The following PCSK6 variants were observed in gnomAD, a reference collection of about 807,000 sequenced individuals.
The protein encoded by PCSK6 is paired basic amino acid cleaving enzyme 4.
PCSK6 carries 85 observed loss-of-function variants against 123.3 expected under a neutral mutation model. That is an observed-to-expected ratio of 0.69 (90% CI 0.58 to 0.83). The LOEUF (loss-of-function observed/expected upper bound fraction) is 0.83, where lower values mean the gene tolerates loss of function less well. Ranked by LOEUF, PCSK6 falls within the 40% of genes least tolerant of loss-of-function variation. The pLI is 0.00. For synonymous variants in PCSK6, 508 were observed against 516.0 expected, an observed-to-expected ratio of 0.98 and a Z score of 0.21; for missense variants, 1,191 against 1,282.3, an observed-to-expected ratio of 0.93 and a Z score of 1.09.
At chr15:101,462,548 T>A (rs1397160736) in intron 1 of PCSK6, among the ~76,000 whole-genome samples, 1 of 152,148 alleles carries the variant, frequency 6.6e-6, no homozygotes, top group Non-Finnish European at 1.5e-5. Flanking sequence ...CTGAAGTCTG[T>A]GAGGCACTGG....
At chr15:101,480,843 C>T (rs7166898) in intron 1 of PCSK6, among the ~76,000 whole-genome samples, 20,286 of 152,136 alleles carry the variant, frequency 0.13, 1,595 homozygotes, top group East Asian at 0.35. Flanking sequence ...CAGGGCCTAT[C>T]GAGTGACTCC....
chr15:101,370,332 T>C lies in PCSK6; in HGVS notation c.1721+3A>G, dbSNP rs1256039794. On this transcript the variant is annotated splice_donor_region_variant and intron_variant, in intron 12 of 21. Coordinates refer to ENST00000611716, the MANE Select transcript of PCSK6 (RefSeq NM_002570.5). ...CCCCATCCCCACGCCTGCCTCGCCT[T>C]ACCTCTTTGCCAGAAGTTGAGACTT... 3 of 1,531,696 alleles carry C rather than the reference T, an allele frequency of 2.0e-6. No individual in the cohort carries two copies. The highest frequency in any genetic ancestry group is 2.0e-5 in the Admixed American group (1 of 49,664). The allele number at this position is 1,531,696 out of a possible 1,614,324, so 94.9% of individuals were successfully genotyped here.
chr15:101,489,163 C>T lies in PCSK6; in HGVS notation c.297+211G>A, dbSNP rs2058095393. On this transcript the variant is annotated intron_variant, in intron 1 of 21. Transcript: ENST00000611716. Reference sequence around the variant, plus strand: ...GGCGCCCACGCGGGACCCCAGTCCCCCCCACCCCGCCGAGTGTCCCGCGCG... The same window carrying T: ...GGCGCCCACGCGGGACCCCAGTCCCTCCCACCCCGCCGAGTGTCCCGCGCG... Among the ~76,000 whole-genome samples the T allele has an allele frequency of 1.1e-4, 10 of 88,208 alleles. No homozygotes were observed. The South Asian group carries it at 3.6e-3, about 32-fold the overall frequency. The allele number at this position is 88,208 out of a possible 152,430, so 57.9% of individuals were successfully genotyped here.
At chr15:101,437,964 G>A (rs1439490234) in intron 2 of PCSK6, among the ~76,000 whole-genome samples, 5 of 152,144 alleles carry the variant, frequency 3.3e-5, no homozygotes, top group South Asian at 2.1e-4. Context: ...GTCATGATGC[G>A]GGGGACCCTA....
chr15:101,452,855 A>G (rs1406677037), intron 1 of PCSK6, among the ~76,000 whole-genome samples: 1 of 152,208 alleles, frequency 6.6e-6, no homozygotes, highest in Non-Finnish European at 1.5e-5. Flanking sequence ...ACGGCTCTGC[A>G]GACACAGTCC....
chr15:101,376,530 G>A (rs1016402552), intron 11 of PCSK6, among the ~76,000 whole-genome samples: 17 of 152,198 alleles, frequency 1.1e-4, no homozygotes, highest in African/African-American at 3.1e-4. Context: ...GTGACCGGAG[G>A]CTCACAGGAA....
Position 101,482,767 on chromosome 15 carries a change from C to A in PCSK6, c.297+6607G>T, listed in dbSNP as rs190618367. ...TTTCTAATGGTCCAGTCAGCTGAGC[C>A]ACCTGCTCAGTCCTGATTCTGAGTC... On this transcript the variant is annotated intron_variant, in intron 1 of 21. Coordinates refer to ENST00000611716, the MANE Select transcript of PCSK6 (RefSeq NM_002570.5). Among the ~76,000 whole-genome samples the A allele has an allele frequency of 3.3e-5, 5 of 152,032 alleles. No individual in the cohort carries two copies. In the East Asian group the frequency reaches 9.7e-4, roughly 29 times the overall value.
Position 101,357,583 on chromosome 15 carries a change from C to T in PCSK6, c.1858+8613G>A, listed in dbSNP as rs544555550. On this transcript the variant is annotated intron_variant, in intron 13 of 21. Transcript: ENST00000611716. ...CCCTGTGTACACAATAGCGTCATAG[C>T]GTGCAGGCAGGCTGGGCTTCCCTCT... Among the ~76,000 whole-genome samples, 6 of 152,334 alleles carry T rather than the reference C, an allele frequency of 3.9e-5. No homozygotes were observed. In the East Asian group the frequency reaches 9.7e-4, roughly 25 times the overall value.
In PCSK6 at chr15:101,382,177, C is replaced by T. The variant is rs200341257; in HGVS notation, c.1447G>A (p.Ala483Thr). The T allele has an allele frequency of 2.4e-4, 386 of 1,612,550 alleles. No homozygotes were observed. Among genetic ancestry groups the T allele is most frequent in the Non-Finnish European group, 3.0e-4 (351 of 1,179,456 alleles). The change falls in exon 11 of 22, where the codon GCA becomes ACA. Residue 483 changes from alanine (A) to threonine (T), a missense_variant. Physicochemically the swap from Ala to Thr is moderately conservative, Grantham distance 58. Coordinates refer to ENST00000611716, the MANE Select transcript of PCSK6 (RefSeq NM_002570.5). ...TTTGCCTCCACAACGAGAGCTTCTG[C>T]GTCCACCAAACCAAATCCATAGAAA... ...SHFYGFGLVD[A>T]EALVVEAKKW...
chr15:101,458,420 TAC>T (rs1490066465), intron 1 of PCSK6, among the ~76,000 whole-genome samples: 2 of 152,106 alleles, frequency 1.3e-5, no homozygotes, highest in Non-Finnish European at 2.9e-5. Flanking sequence ...GCCCGGGCTA[TAC>T]ACAGTCACTG....
intron 6 of PCSK6, among the ~76,000 whole-genome samples, chr15:101,399,438 C>T (rs538056106): frequency 2.4e-4 from 36 of 152,234 alleles, no homozygotes; most frequent in African/African-American, 8.4e-4. Context: ...TTCTATGTTC[C>T]CTGGAGGGGT....
chr15:101,384,985 A>AT (rs983687670), intron 9 of PCSK6, among the ~76,000 whole-genome samples: 24 of 152,304 alleles, frequency 1.6e-4, no homozygotes, highest in African/African-American at 5.8e-4. Flanking sequence ...TACACAGATG[A>AT]TTTTTTAAAA....
In PCSK6 at chr15:101,485,755, C is replaced by T. The variant is rs114366500; in HGVS notation, c.297+3619G>A. 5.8e-3 allele frequency among the ~76,000 whole-genome samples: 888 copies of T among 152,298 alleles called. 7 individuals are homozygous for T. The highest frequency in any genetic ancestry group is 0.021 in the African/African-American group (855 of 41,566). The stretch of plus-strand genomic sequence containing the variant: ...TCGTTACCACAACTCCCCTCCTCCT[C>T]TTCTTTCCCAGAGTTGTCTGAGGTA... On this transcript the variant is annotated intron_variant, in intron 1 of 21. Coordinates refer to ENST00000611716, the MANE Select transcript of PCSK6 (RefSeq NM_002570.5).
chr15:101,489,157 A>AG (rs2058094580), intron 1 of PCSK6, among the ~76,000 whole-genome samples: 3 of 103,640 alleles, frequency 2.9e-5, no homozygotes, highest in African/African-American at 7.7e-5. Flanking sequence ...GCGGGACCCC[A>AG]GTCCCCCCCA....
chr15:101,303,971 G>A lies in PCSK6; in HGVS notation c.*1287C>T, dbSNP rs1046197335. ...CTTTTATTAATTTAGGGTTAACATT[G>A]TACTTGCTTCATTGATTTCTCTTTC... On this transcript the variant is annotated 3_prime_UTR_variant, in exon 22 of 22. Transcript: ENST00000611716. 1 of 152,618 alleles carries A rather than the reference G, an allele frequency of 6.6e-6. No homozygotes were observed. The highest frequency in any genetic ancestry group is 6.5e-5 in the Admixed American group (1 of 15,290). 9.5% of individuals were successfully genotyped at this position (152,618 alleles called of 1,614,324 possible).
chr15:101,444,017 G>C (rs946093263), intron 1 of PCSK6, among the ~76,000 whole-genome samples: 1 of 152,176 alleles, frequency 6.6e-6, no homozygotes, highest in Non-Finnish European at 1.5e-5. Context: ...AGCTAAGTTG[G>C]TGTCAAGTCA....
At chr15:101,354,493 C>T (rs2040986568) in intron 13 of PCSK6, among the ~76,000 whole-genome samples, 2 of 152,280 alleles carry the variant, frequency 1.3e-5, no homozygotes, top group Admixed American at 6.5e-5. Context: ...TGTCCCACGG[C>T]ACATTGAGCA....
intron 1 of PCSK6, among the ~76,000 whole-genome samples, chr15:101,455,417 G>A (rs940118054): frequency 6.6e-6 from 1 of 152,220 alleles, no homozygotes; most frequent in Non-Finnish European, 1.5e-5. Context: ...AGGGAACAAG[G>A]ACACAGGAAG....
intron 11 of PCSK6, among the ~76,000 whole-genome samples, chr15:101,374,628 G>C (rs1441998907): frequency 6.6e-6 from 1 of 152,230 alleles, no homozygotes; most frequent in African/African-American, 2.4e-5. Context: ...ACCTGGCTTG[G>C]GGAGGAGAGG....
Sources: gnomAD v4.1 joint callset for allele counts (sites outside exome capture counted in the v4.1 genomes callset) on GRCh38, gnomAD v4.1.1 for gene constraint, MANE v1.5 for transcripts, NCBI Gene and HGNC (gene_info 2026-07-23, HGNC 2026-07-21) for gene names.